Variants in HPSE2 observed in about 807,000 individuals in gnomAD.
The protein encoded by HPSE2 is inactive heparanase-2.
A neutral mutation model predicts 60.5 loss-of-function variants in HPSE2; 38 were observed. The observed-to-expected ratio is 0.63, with a 90% CI of 0.48 to 0.82. The LOEUF (loss-of-function observed/expected upper bound fraction) is 0.82, where lower values mean the gene tolerates loss of function less well. Ranked by LOEUF, HPSE2 falls within the 40% of genes least tolerant of loss-of-function variation. The pLI, the probability that HPSE2 is intolerant of heterozygous loss-of-function variation, is 0.00. For synonymous variants in HPSE2, 295 were observed against 293.2 expected, an observed-to-expected ratio of 1.01 and a Z score of -0.06; for missense variants, 713 against 740.4, an observed-to-expected ratio of 0.96 and a Z score of 0.43.
chr10:99,280,730 T>G, the HPSE2 span, among the ~76,000 whole-genome samples: 2 of 152,196 alleles, frequency 1.3e-5, no homozygotes, highest in South Asian at 4.1e-4. Context: ...CTGTCTCACA[T>G]TGCAAGCTAG....
chr10:98,528,394 C>T (rs1943033476), intron 9 of HPSE2, among the ~76,000 whole-genome samples: 1 of 152,082 alleles, frequency 6.6e-6, no homozygotes, highest in Non-Finnish European at 1.5e-5. Context: ...TGAGTCATGT[C>T]ATTTTCTCAA....
At chr10:98,542,187 C>T (rs903322848) in intron 9 of HPSE2, among the ~76,000 whole-genome samples, 2 of 152,208 alleles carry the variant, frequency 1.3e-5, no homozygotes, top group Non-Finnish European at 2.9e-5. Flanking sequence ...CGCTCTTCTG[C>T]AGCCACCTCT....
At chr10:99,118,522 C>A (rs1844802945) in intron 3 of HPSE2, among the ~76,000 whole-genome samples, 2 of 68,440 alleles carry the variant, frequency 2.9e-5, no homozygotes, top group East Asian at 4.3e-4. Flanking sequence ...GACTCCTTCT[C>A]CAAAAAAAAA....
intron 3 of HPSE2, among the ~76,000 whole-genome samples, chr10:98,953,866 C>G (rs1296820863): frequency 6.6e-6 from 1 of 152,126 alleles, no homozygotes; most frequent in Non-Finnish European, 1.5e-5. Context: ...CATCTTTAAA[C>G]TGGAAATAAC....
At chr10:99,111,175 G>T (rs1844442926) in intron 3 of HPSE2, among the ~76,000 whole-genome samples, 1 of 152,022 alleles carries the variant, frequency 6.6e-6, no homozygotes, top group African/African-American at 2.4e-5. Flanking sequence ...TGATCTATTT[G>T]TCTATTCTTT....
chr10:98,605,895 G>C (rs865926682), intron 9 of HPSE2, among the ~76,000 whole-genome samples: 1 of 152,194 alleles, frequency 6.6e-6, no homozygotes, highest in Non-Finnish European at 1.5e-5. Flanking sequence ...TGCTGTTCCT[G>C]TTGAGCGATG....
chr10:99,313,640 G>A, the HPSE2 span, among the ~76,000 whole-genome samples: 6 of 114,658 alleles, frequency 5.2e-5, no homozygotes, highest in East Asian at 2.7e-4. Context: ...TCACTCTGTC[G>A]CCAGGCCGGA....
At position 98,721,795 on chromosome 10, in the gene HPSE2, G is replaced by T. The variant is rs1435564561; in HGVS notation, c.818C>A (p.Ala273Glu). 2 of 1,613,320 alleles carry T rather than the reference G, an allele frequency of 1.2e-6. No individual in the cohort carries two copies. Among genetic ancestry groups the T allele is most frequent in the African/African-American group, 2.7e-5 (2 of 74,738 alleles). Residue 273 changes from alanine to glutamate, a missense_variant, in exon 5 of 12, where the codon GCA (alanine) becomes GAA (glutamate). Ala to Glu is a moderately radical substitution (Grantham distance 107). Transcript: ENST00000370552. ...PNNYRTMHGR[A>E]VNGSQLGKDY... is the part of the protein sequence containing the mutation. ...CTTTCCCAACTGGCTGCCATTTACT[G>T]CCCGGCCATGCATGGTCCGATAGTT...
intron 9 of HPSE2, among the ~76,000 whole-genome samples, chr10:98,551,307 T>G (rs143620805): frequency 6.6e-6 from 1 of 152,308 alleles, no homozygotes; most frequent in African/African-American, 2.4e-5. Flanking sequence ...TGCATACTTC[T>G]CTAGATGAAG....
intron 3 of HPSE2, among the ~76,000 whole-genome samples, chr10:98,904,558 T>C (rs1485847323): frequency 6.6e-6 from 1 of 152,188 alleles, no homozygotes; most frequent in Middle Eastern, 3.2e-3. Flanking sequence ...CAGAATAATT[T>C]AAATACAAAG....
At chr10:99,184,755 G>C (rs1316805401) in intron 2 of HPSE2, among the ~76,000 whole-genome samples, 1 of 129,842 alleles carries the variant, frequency 7.7e-6, no homozygotes, top group Non-Finnish European at 1.6e-5. Context: ...GACCAATGGA[G>C]TTGAAGATGT....
intron 3 of HPSE2, among the ~76,000 whole-genome samples, chr10:98,908,441 T>C (rs1475441734): frequency 6.6e-6 from 1 of 152,122 alleles, no homozygotes; most frequent in African/African-American, 2.4e-5. Context: ...CCCAGCACTT[T>C]GTGAGGCTGA....
intron 3 of HPSE2, among the ~76,000 whole-genome samples, chr10:98,803,030 G>A (rs1589851192): frequency 6.7e-6 from 1 of 148,920 alleles, no homozygotes; most frequent in Non-Finnish European, 1.5e-5. Flanking sequence ...GTGTGAGATG[G>A]TATCTCATTG....
At chr10:98,641,786 G>A (rs1242373320) in intron 7 of HPSE2, 61 bp downstream of exon 7, 1 of 1,275,170 alleles carries the variant, frequency 7.8e-7, no homozygotes, top group East Asian at 2.3e-5. Flanking sequence ...GGGACTTTGT[G>A]TCTTTTTCCT....
At chr10:99,206,885 A>C (rs1446477436) in intron 2 of HPSE2, among the ~76,000 whole-genome samples, 1 of 152,174 alleles carries the variant, frequency 6.6e-6, no homozygotes, top group African/African-American at 2.4e-5. Context: ...GTGTAAAGGA[A>C]TGAAGAAAGT....
chr10:98,510,125 T>C (rs1438106262), intron 9 of HPSE2, among the ~76,000 whole-genome samples: 2 of 152,210 alleles, frequency 1.3e-5, no homozygotes, highest in Non-Finnish European at 2.9e-5. Context: ...TGAAGTTTTT[T>C]TAATCACATT....
At chr10:99,003,204 T>C (rs760083199) in intron 3 of HPSE2, among the ~76,000 whole-genome samples, 29 of 152,272 alleles carry the variant, frequency 1.9e-4, no homozygotes, top group Admixed American at 4.6e-4. Context: ...TAAGGCTGAA[T>C]AGTATTCCAT....
At chr10:99,215,074 A>C (rs1033496013) in intron 2 of HPSE2, among the ~76,000 whole-genome samples, 25 of 152,130 alleles carry the variant, frequency 1.6e-4, no homozygotes, top group Non-Finnish European at 2.8e-4. Context: ...TTGACTCAGC[A>C]ATCCCATTAC....
chr10:99,188,802 A>G (rs1435410403), intron 2 of HPSE2, among the ~76,000 whole-genome samples: 2 of 152,208 alleles, frequency 1.3e-5, no homozygotes, highest in East Asian at 3.9e-4. Flanking sequence ...ATCGAAATGT[A>G]AATTCATTTG....
Sources: gnomAD v4.1 joint callset for allele counts (sites outside exome capture counted in the v4.1 genomes callset) on GRCh38, gnomAD v4.1.1 for gene constraint, MANE v1.5 for transcripts, NCBI Gene and HGNC (gene_info 2026-07-23, HGNC 2026-07-21) for gene names.